Variants in ALS2CL observed in about 807,000 individuals in gnomAD.
ALS2CL encodes the protein ALS2 C-terminal-like protein.
In ALS2CL, 112 loss-of-function variants were observed where a neutral mutation model predicts 127.9. The ratio of observed to expected loss-of-function variants is 0.88; its 90% CI spans 0.75 to 1.02. The LOEUF is 1.02. Among genes scored for constraint, ALS2CL ranks in the 50% least tolerant of loss-of-function variants. The pLI, the probability that ALS2CL is intolerant of heterozygous loss-of-function variation, is 0.00. For missense variants in ALS2CL, 1,174 were observed against 1,236.7 expected, an observed-to-expected ratio of 0.95 and a Z score of 0.76; for synonymous variants, 519 against 527.6, an observed-to-expected ratio of 0.98 and a Z score of 0.22.
chr3:46,676,799 G>A, intron 17 of ALS2CL, 50 bp downstream of exon 17: 2 of 1,594,404 alleles, frequency 1.3e-6, no homozygotes, highest in Non-Finnish European at 8.6e-7. Context: ...CCCCCAGGAA[G>A]CCCTCCCCAG....
chr3:46,676,128 G>T (rs1698793133), intron 19 of ALS2CL, 117 bp downstream of exon 19: 2 of 1,473,636 alleles, frequency 1.4e-6, no homozygotes, highest in Admixed American at 2.1e-5. Flanking sequence ...CCAAGCCTCT[G>T]GTTCATTGTT....
chr3:46,685,899 G>A (rs1699731632), intron 6 of ALS2CL, among the ~76,000 whole-genome samples: 3 of 152,090 alleles, frequency 2.0e-5, no homozygotes, highest in African/African-American at 4.8e-5. Context: ...CCCAGTACTC[G>A]GCCACCCCTG....
At chr3:46,672,879 G>A (rs1198393992) in intron 22 of ALS2CL, among the ~76,000 whole-genome samples, 3 of 152,150 alleles carry the variant, frequency 2.0e-5, no homozygotes, top group African/African-American at 4.8e-5. Context: ...CTTGGCAGGC[G>A]CCTGTAATCC....
chr3:46,687,673 G>C lies in ALS2CL; in HGVS notation c.314C>G (p.Ser105Cys), dbSNP rs1699892004. ...VLQAHIEYIESYTSCMVVQAF... is the reference protein window; with the variant it reads ...VLQAHIEYIECYTSCMVVQAF... ...CTGCACCACCATGCAGCTTGTGTAG[G>C]ACTCAATGTACCTGCAGGCAGCACA... Residue 105 changes from serine to cysteine, a missense_variant, in exon 4 of 26, where the codon TCC becomes TGC. Transcript: ENST00000318962. 8.7e-6 allele frequency: 14 copies of C among 1,612,730 alleles called. No individual in the cohort carries two copies. The highest frequency in any genetic ancestry group is 1.1e-5 in the Non-Finnish European group (13 of 1,179,518).
rs762387656 is a variant in ALS2CL, at chr3:46,687,691, G to A, written c.303-7C>T. The A allele has an allele frequency of 2.5e-6, 4 of 1,611,170 alleles. No individual in the cohort carries two copies. Among genetic ancestry groups the A allele is most frequent in the Non-Finnish European group, 3.4e-6 (4 of 1,178,724 alleles). ...TGTGTAGGACTCAATGTACCTGCAG[G>A]CAGCACAGGGGACACCCTGCAAACC... On this transcript the variant is annotated splice_polypyrimidine_tract_variant and splice_region_variant and intron_variant, in intron 3 of 25. Transcript: ENST00000318962.
Position 46,681,722 on chromosome 3 carries a change from A to C in ALS2CL, c.1176-124T>G. The C allele has an allele frequency of 1.0e-6, 1 of 991,812 alleles. No individual in the cohort carries two copies. The highest frequency in any genetic ancestry group is 1.5e-5 in the South Asian group (1 of 65,914). 61.4% of individuals were successfully genotyped at this position (991,812 alleles called of 1,614,324 possible). A position where few individuals can be genotyped will look rare whatever the true frequency, so the allele number is the denominator to read the frequency against. On this transcript the variant is annotated intron_variant, in intron 11 of 25. Coordinates refer to ENST00000318962, the MANE Select transcript of ALS2CL (RefSeq NM_147129.5). This position sits in a 1 kb window ranked among gnomAD's most constrained non-coding sequence, Gnocchi z 4.9. ...TTCCAGACAACAGGGAGACTCTCAG[A>C]GGCCCTCAGCCTTCCTATCCTTCAA...
intron 22 of ALS2CL, 100 bp downstream of exon 22, chr3:46,673,239 T>C: frequency 8.6e-6 from 6 of 696,726 alleles, no homozygotes; most frequent in Non-Finnish European, 1.1e-5. Context: ...CCTCCCCAGC[T>C]CCTCTGCAGC....
At chr3:46,688,956 G>A (rs531108821) in intron 2 of ALS2CL, among the ~76,000 whole-genome samples, 109 of 152,302 alleles carry the variant, frequency 7.2e-4, no homozygotes, top group African/African-American at 2.6e-3. Flanking sequence ...CAGACTTGGC[G>A]CAGTGGCTCA....
At chr3:46,676,578 G>A (rs1698840283) in intron 18 of ALS2CL, 64 bp downstream of exon 18, 2 of 1,578,042 alleles carry the variant, frequency 1.3e-6, no homozygotes, top group East Asian at 2.2e-5. Context: ...TGAAAAATGG[G>A]AGCCCTTCCC....
In ALS2CL at chr3:46,682,076, C is replaced by T. The variant is rs1237625846; in HGVS notation, c.1128G>A (p.Pro376=). ...RPHGKGTLKW[P]DGRNHVGNFC... ...AATTCCCCACGTGATTCCGCCCATC[C>T]GGCCATTTCAGGGTTCCCCTGGAAC... The change falls in exon 11 of 26, where the codon CCG becomes CCA. Residue 376 remains proline (P), a synonymous_variant. Coordinates refer to ENST00000318962, the MANE Select transcript of ALS2CL (RefSeq NM_147129.5). The T allele has an allele frequency of 5.6e-6, 9 of 1,613,894 alleles. No homozygotes were observed. The highest frequency in any genetic ancestry group is 2.2e-5 in the South Asian group (2 of 91,024).
At chr3:46,678,525 G>A (rs1699059576) in intron 15 of ALS2CL, 136 bp from the exon 16 acceptor site, 3 of 1,181,932 alleles carry the variant, frequency 2.5e-6, no homozygotes, top group Admixed American at 2.7e-5. Context: ...ATCCATTCAA[G>A]CTGCTCCATG....
At chr3:46,682,370 C>A (rs1362678248) in intron 10 of ALS2CL, among the ~76,000 whole-genome samples, 1 of 152,184 alleles carries the variant, frequency 6.6e-6, no homozygotes, top group Non-Finnish European at 1.5e-5. Context: ...TTCCCTTGAC[C>A]AACAGGAAGC....
Position 46,669,893 on chromosome 3 carries a change from C to T in ALS2CL, c.*1091G>A, listed in dbSNP as rs1698264796. 6.6e-6 allele frequency: 1 copy of T among 152,280 alleles called. No individual in the cohort carries two copies. Among genetic ancestry groups the T allele is most frequent in the South Asian group, 2.1e-4 (1 of 4,830 alleles). 9.4% of individuals were successfully genotyped at this position (152,280 alleles called of 1,614,324 possible). On this transcript the variant is annotated 3_prime_UTR_variant, in exon 26 of 26. Transcript: ENST00000318962. The stretch of plus-strand genomic sequence containing the variant: ...CTCCCCTCACAGGCTGAAGTCAGTA[C>T]TTCGTTTGGGGGAGCCACACCCAGA...
intron 22 of ALS2CL, 113 bp downstream of exon 22, chr3:46,673,221 ACCCTG>A: frequency 2.1e-6 from 1 of 471,120 alleles, no homozygotes; most frequent in Non-Finnish European, 3.7e-6. Flanking sequence ...CTCCCAACCC[ACCCTG>A]CCCCTCCCCA....
rs565716410 is a variant in ALS2CL, at chr3:46,677,034, A to T, written c.1758-12T>A. The T allele has an allele frequency of 6.3e-6, 10 of 1,590,748 alleles. No individual in the cohort carries two copies. In the African/African-American group the frequency reaches 1.3e-4, roughly 21 times the overall value. On this transcript the variant is annotated splice_polypyrimidine_tract_variant and intron_variant, in intron 16 of 25. Coordinates refer to ENST00000318962, the MANE Select transcript of ALS2CL (RefSeq NM_147129.5). Reference sequence around the variant, plus strand: ...CCACGCCCAGCTGCCTGCGATGGGGATGGAGGGTGGGTGATGGGGCAGAGA... The same window carrying T: ...CCACGCCCAGCTGCCTGCGATGGGGTTGGAGGGTGGGTGATGGGGCAGAGA...
chr3:46,682,470 G>C (rs1052926987), intron 10 of ALS2CL, among the ~76,000 whole-genome samples: 1 of 152,136 alleles, frequency 6.6e-6, no homozygotes, highest in Non-Finnish European at 1.5e-5. Context: ...CTGTCCTTTT[G>C]TTCATAAGTC....
intron 20 of ALS2CL, 58 bp downstream of exon 20, chr3:46,675,560 G>A (rs1389303919): frequency 1.3e-6 from 2 of 1,539,302 alleles, no homozygotes; most frequent in Non-Finnish European, 1.8e-6. Context: ...GGTCCTAGGA[G>A]CAGACGCATG....
In ALS2CL at chr3:46,687,012, G is replaced by A. The variant is rs769860079; in HGVS notation, c.505C>T (p.Leu169=). The part of the protein sequence containing the change: ...AHHVQQYVLL[L]LSLGDTIGEH... Reference sequence around the variant, plus strand: ...CCAATGGTGTCCCCGAGGCTCAGCAGGAGGAGCACGTACTGTTGCACGTGA... The same window carrying A: ...CCAATGGTGTCCCCGAGGCTCAGCAAGAGGAGCACGTACTGTTGCACGTGA... Residue 169 remains leucine (L), a synonymous_variant, in exon 5 of 26, where the codon CTG becomes TTG. Transcript: ENST00000318962. 1.2e-6 allele frequency: 2 copies of A among 1,603,322 alleles called. No homozygotes were observed. The highest frequency in any genetic ancestry group is 1.7e-6 in the Non-Finnish European group (2 of 1,178,368).
In ALS2CL at chr3:46,683,254, C is replaced by G; in HGVS notation, c.985G>C (p.Gly329Arg). 6.2e-7 allele frequency: 1 copy of G among 1,610,944 alleles called. No individual in the cohort carries two copies. The highest frequency in any genetic ancestry group is 1.1e-5 in the South Asian group (1 of 90,588). Residue 329 changes from glycine (G) to arginine (R), a missense_variant, in exon 10 of 26, where the codon GGG becomes CGG. Physicochemically the swap from Gly to Arg is moderately radical, Grantham distance 125. Coordinates refer to ENST00000318962, the MANE Select transcript of ALS2CL (RefSeq NM_147129.5). ...GGCTGGGAGGGCTCCAGGCCAGCCC[C>G]CAGCACGGGGAAGTCCTTCTTCCCA... ...LHGKKDFPVLGAGLEPSQPPD... is the reference protein window; with the variant it reads ...LHGKKDFPVLRAGLEPSQPPD...
Sources: allele counts gnomAD v4.1 joint callset (sites outside exome capture counted in the v4.1 genomes callset), GRCh38; gene constraint gnomAD v4.1.1; non-coding constraint Gnocchi (gnomAD v3.1); transcripts MANE v1.5; gene names NCBI Gene and HGNC (gene_info 2026-07-23, HGNC 2026-07-21).